The following DDRGK1 variants were observed in gnomAD, a reference collection of about 807,000 sequenced individuals.
DDRGK1 encodes the protein DDRGK domain containing 1, also known as DDRGK domain-containing protein 1.
A neutral mutation model predicts 45.8 loss-of-function variants in DDRGK1; 38 were observed. That is an observed-to-expected ratio of 0.83 (90% CI 0.64 to 1.09). The LOEUF (loss-of-function observed/expected upper bound fraction) is 1.09. Among genes scored for constraint, DDRGK1 ranks in the 50% least tolerant of loss-of-function variants. The pLI, the probability that DDRGK1 is intolerant of heterozygous loss-of-function variation, is 0.00. For synonymous variants in DDRGK1, 171 were observed against 168.7 expected, an observed-to-expected ratio of 1.01 and a Z score of -0.11; for missense variants, 403 against 419.9, an observed-to-expected ratio of 0.96 and a Z score of 0.35.
chr20:3,190,758 G>A lies in DDRGK1; in HGVS notation c.840C>T (p.Ala280=). The A allele has an allele frequency of 1.9e-6, 3 of 1,614,030 alleles. No individual in the cohort carries two copies. Among genetic ancestry groups the A allele is most frequent in the South Asian group, 1.1e-5 (1 of 91,064 alleles). The change falls in exon 9 of 9, where the codon GCC becomes GCT. Residue 280 remains alanine (A), a synonymous_variant. Transcript: ENST00000354488. ...CCCGGCCCCGCTGTCGGATGAAGTT[G>A]GCCACGGCGGCCAGTTCCTCTGGGG... ...YITPEELAAV[A]NFIRQRGRVS...
At chr20:3,203,085 A>T in intron 2 of DDRGK1, 128 bp downstream of exon 2, 1 of 839,230 alleles carries the variant, frequency 1.2e-6, no homozygotes, top group Non-Finnish European at 1.8e-6. Context: ...CCCCTACTCT[A>T]CCGTGTGGCT....
In DDRGK1 at chr20:3,191,751, G is replaced by A. The variant is rs764186819; in HGVS notation, c.729+14C>T. ...GGCCACACTGCACACAGCAGGCCAC[G>A]TTCCAGGGCTTACCTGAGTGCGTAG... On this transcript the variant is annotated intron_variant, in intron 7 of 8. Coordinates refer to ENST00000354488, the MANE Select transcript of DDRGK1 (RefSeq NM_023935.3). 43 of 1,598,272 alleles carry A rather than the reference G, an allele frequency of 2.7e-5. No individual in the cohort carries two copies. The highest frequency in any genetic ancestry group is 3.4e-5 in the Non-Finnish European group (40 of 1,171,876).
At chr20:3,204,211 T>C (rs1355643072) in intron 1 of DDRGK1, among the ~76,000 whole-genome samples, 2 of 151,884 alleles carry the variant, frequency 1.3e-5, no homozygotes, top group Non-Finnish European at 1.5e-5. Context: ...CCCTAACAGG[T>C]GCAGAGGGAA....
In DDRGK1 at chr20:3,198,210, A is replaced by T. The variant is rs571505016; in HGVS notation, c.510+1791T>A. Among the ~76,000 whole-genome samples, 4 of 151,370 alleles carry T rather than the reference A, an allele frequency of 2.6e-5. No individual in the cohort carries two copies. The South Asian group carries it at 8.4e-4, about 32-fold the overall frequency. On this transcript the variant is annotated intron_variant, in intron 4 of 8. Transcript: ENST00000354488. The stretch of plus-strand genomic sequence containing the variant: ...ATCACAAGGTCAAGAGATTGAGACC[A>T]TACTGGCCAACATGGTGAAACCCTC...
intron 6 of DDRGK1, among the ~76,000 whole-genome samples, chr20:3,192,504 C>G (rs1255551205): frequency 1.3e-5 from 2 of 152,178 alleles, no homozygotes; most frequent in Non-Finnish European, 2.9e-5. Flanking sequence ...CCTGGTCCCC[C>G]ACAACCTGAC....
At position 3,203,226 on chromosome 20, in the gene DDRGK1, TTCC is replaced by T; in HGVS notation, c.279_281del (p.Glu94del). 1.3e-6 allele frequency: 2 copies of T among 1,587,564 alleles called. No individual in the cohort carries two copies. The highest frequency in any genetic ancestry group is 1.7e-6 in the Non-Finnish European group (2 of 1,164,880). On this transcript the variant is annotated inframe_deletion, in exon 2 of 9. Coordinates refer to ENST00000354488, the MANE Select transcript of DDRGK1 (RefSeq NM_023935.3). ...GGCCCCTCTCACCTAGGATGACAGC[TTCC>T]TCCTCGTTCTCATCTGCTTCTGCCC...
chr20:3,192,162 C>T (rs952708534), intron 6 of DDRGK1, among the ~76,000 whole-genome samples: 2 of 152,098 alleles, frequency 1.3e-5, no homozygotes, highest in Non-Finnish European at 2.9e-5. Context: ...CCATCCTCTG[C>T]ATCCAGCCAT....
intron 2 of DDRGK1, 125 bp downstream of exon 2, chr20:3,203,088 G>A (rs1023610853): frequency 4.3e-5 from 38 of 885,478 alleles, no homozygotes; most frequent in African/African-American, 5.2e-5. Context: ...CTACTCTACC[G>A]TGTGGCTCCC....
At chr20:3,203,191 C>A in intron 2 of DDRGK1, 22 bp downstream of exon 2, 1 of 1,530,908 alleles carries the variant, frequency 6.5e-7, no homozygotes, top group Admixed American at 2.1e-5. Flanking sequence ...ACCCTCTCCC[C>A]ACCAGGCTGG....
intron 4 of DDRGK1, among the ~76,000 whole-genome samples, chr20:3,198,231 C>T (rs538598915): frequency 6.7e-6 from 1 of 149,542 alleles, no homozygotes; most frequent in Non-Finnish European, 1.5e-5. Context: ...CATGGTGAAA[C>T]CCTCTCTCTA....
chr20:3,195,707 G>A (rs563055949), intron 4 of DDRGK1, among the ~76,000 whole-genome samples: 17 of 151,940 alleles, frequency 1.1e-4, no homozygotes, highest in Admixed American at 4.6e-4. Context: ...AGCATACCCC[G>A]TCATGTCCAC....
chr20:3,203,587 T>G (rs1397075928), intron 1 of DDRGK1, among the ~76,000 whole-genome samples, 171 bp from the exon 2 acceptor site: 1 of 152,252 alleles, frequency 6.6e-6, no homozygotes, highest in Non-Finnish European at 1.5e-5. Flanking sequence ...GGCCCACAGC[T>G]TGGTCCCAGG....
intron 4 of DDRGK1, among the ~76,000 whole-genome samples, chr20:3,195,676 C>T (rs1200992658): frequency 6.6e-6 from 1 of 152,046 alleles, no homozygotes; most frequent in Non-Finnish European, 1.5e-5. Flanking sequence ...CTGCCCCATC[C>T]TCTCCTTGTG....
chr20:3,195,115 C>G (rs112813086), intron 5 of DDRGK1, 116 bp downstream of exon 5: 19 of 1,550,952 alleles, frequency 1.2e-5, no homozygotes, highest in African/African-American at 1.2e-4. Context: ...GTACTGATGC[C>G]CACCCACCTC....
intron 2 of DDRGK1, among the ~76,000 whole-genome samples, chr20:3,200,983 A>C (rs941873735): frequency 3.9e-5 from 6 of 151,962 alleles, no homozygotes; most frequent in African/African-American, 1.2e-4. Flanking sequence ...GGTGGCGGGC[A>C]CCTGTAGTCC....
chr20:3,191,286 A>T (rs1374496770), intron 7 of DDRGK1, 48 bp from the exon 8 acceptor site: 2 of 1,602,868 alleles, frequency 1.2e-6, no homozygotes, highest in Admixed American at 3.3e-5. Context: ...CAATGTCCCC[A>T]GAAAAAGCAC....
chr20:3,195,384 C>CGGG, intron 4 of DDRGK1, 31 bp from the exon 5 acceptor site: 1 of 1,568,104 alleles, frequency 6.4e-7, no homozygotes, highest in Non-Finnish European at 8.6e-7. Context: ...AGTCAGGTAT[C>CGGG]GGGGGCAGAA....
chr20:3,199,770 G>A (rs535822066), intron 4 of DDRGK1, among the ~76,000 whole-genome samples: 18 of 152,188 alleles, frequency 1.2e-4, no homozygotes, highest in African/African-American at 4.1e-4. Context: ...TTCCTCACAT[G>A]CTCCCCGAAA....
chr20:3,196,610 G>C (rs1418967252), intron 4 of DDRGK1, among the ~76,000 whole-genome samples: 1 of 152,094 alleles, frequency 6.6e-6, no homozygotes, highest in Non-Finnish European at 1.5e-5. Context: ...GAACCTGGGA[G>C]GCAGAGCTTG....
Sources: gnomAD v4.1 joint callset for allele counts (sites outside exome capture counted in the v4.1 genomes callset) on GRCh38, gnomAD v4.1.1 for gene constraint, MANE v1.5 for transcripts, NCBI Gene and HGNC (gene_info 2026-07-23, HGNC 2026-07-21) for gene names.